Variants in IL4I1 observed in about 807,000 individuals in gnomAD.
IL4I1 encodes the protein interleukin 4 induced 1.
In IL4I1, 24 loss-of-function variants were observed where a neutral mutation model predicts 29.7. That is an observed-to-expected ratio of 0.81 (90% confidence interval 0.59 to 1.14). The LOEUF is 1.14. Ranked by LOEUF, IL4I1 falls within the 50% of genes most tolerant of loss-of-function variation. IL4I1 has a pLI of 0.00. For missense variants in IL4I1, 686 were observed against 785.6 expected (o/e 0.87, Z 1.52); for synonymous variants, 371 against 352.5 (o/e 1.05, Z -0.59).
chr19:49,923,088 T>C (rs953062322), intron 2 of IL4I1, among the ~76,000 whole-genome samples: 1 of 151,940 alleles, frequency 6.6e-6, no homozygotes, highest in Admixed American at 6.6e-5. Context: ...TTTTTTTGCA[T>C]AAGAGCTGTG....
chr19:49,922,467 G>A (rs915023602), intron 2 of IL4I1, among the ~76,000 whole-genome samples: 1 of 151,984 alleles, frequency 6.6e-6, no homozygotes, highest in Non-Finnish European at 1.5e-5. Context: ...GTGTCGGAAT[G>A]AAGCCCTACT....
chr19:49,901,924 C>T (rs1018682418), intron 3 of IL4I1: 5 of 402,452 alleles, frequency 1.2e-5, no homozygotes, highest in Non-Finnish European at 2.2e-5. Context: ...GAATTCATGG[C>T]TTCACACAGC....
rs541092971 is a variant in IL4I1 at position 49,894,573 on chromosome 19, C to A, written c.366-104G>T. The A allele has an allele frequency of 1.2e-4, 80 of 658,758 alleles. No homozygotes were observed. The African/African-American group carries it at 1.5e-3, about 13-fold the overall frequency. The allele number at this position is 658,758 out of a possible 1,614,324, so 40.8% of individuals were successfully genotyped here. A position where few individuals can be genotyped will look rare whatever the true frequency, so the allele number is the denominator to read the frequency against. On this transcript the variant is annotated intron_variant, in intron 4 of 7. Transcript: ENST00000391826. ...GTGGGAGGGGAGAGTAGCTGGGGAC[C>A]AGCATGAGGCTGGGGGTGGGGCTAG...
At chr19:49,896,310 C>A in intron 1 of IL4I1, 128 bp from the exon 2 acceptor site, 1 of 1,159,306 alleles carries the variant, frequency 8.6e-7, no homozygotes, top group African/African-American at 1.6e-5. Flanking sequence ...GCTCTCTGGA[C>A]CTGTGTCCCC....
intron 3 of IL4I1, among the ~76,000 whole-genome samples, chr19:49,902,533 A>G (rs1364563430): frequency 6.6e-6 from 1 of 152,036 alleles, no homozygotes; most frequent in African/African-American, 2.4e-5. Flanking sequence ...AAACAAAACA[A>G]AAAAACAGTT....
In IL4I1 at chr19:49,895,988, C is replaced by G. The variant is rs758677410; in HGVS notation, c.79G>C (p.Glu27Gln). The G allele has an allele frequency of 6.6e-5, 106 of 1,614,066 alleles. No individual in the cohort carries two copies. The South Asian group carries it at 1.1e-3, about 16-fold the overall frequency. Residue 27 changes from glutamate (E) to glutamine (Q), a missense_variant, in exon 3 of 8, where the codon GAA becomes CAA. Physicochemically the swap from Glu to Gln is conservative, Grantham distance 29 (BLOSUM62 2). Coordinates refer to ENST00000391826, the MANE Select transcript of IL4I1 (RefSeq NM_152899.2). ...SLVASQDWKA[E>Q]RSQDPFEKCM... Reference sequence around the variant, plus strand: ...TTCTCGAAGGGGTCTTGGCTGCGTTCAGCCTTCCAGTCCTGGGAGGCCACC... The same window carrying G: ...TTCTCGAAGGGGTCTTGGCTGCGTTGAGCCTTCCAGTCCTGGGAGGCCACC...
chr19:49,925,253 C>A (rs1418244233), intron 2 of IL4I1, among the ~76,000 whole-genome samples: 3 of 151,906 alleles, frequency 2.0e-5, no homozygotes, highest in Admixed American at 1.3e-4. Flanking sequence ...AAGAGTGAAA[C>A]TCCGTCTCAA....
Position 49,889,667 on chromosome 19 carries a change from A to C in IL4I1, c.*3T>G. 1 of 1,478,814 alleles carries C rather than the reference A, an allele frequency of 6.8e-7. No individual in the cohort carries two copies. The highest frequency in any genetic ancestry group is 1.4e-5 in the African/African-American group (1 of 70,614). The allele number at this position is 1,478,814 out of a possible 1,614,324, so 91.6% of individuals were successfully genotyped here. The stretch of plus-strand genomic sequence containing the variant: ...GGACCACACGGCTTTTTCCGAAAAT[A>C]CTTTAATGCGAGGTCCTCGTGTGGG... On this transcript the variant is annotated 3_prime_UTR_variant, in exon 8 of 8. Coordinates refer to ENST00000391826, the MANE Select transcript of IL4I1 (RefSeq NM_152899.2).
intron 2 of IL4I1, among the ~76,000 whole-genome samples, chr19:49,913,532 G>A (rs968183845): frequency 7.9e-5 from 12 of 152,174 alleles, no homozygotes; most frequent in African/African-American, 2.9e-4. Flanking sequence ...CACAACCCGG[G>A]CCGCCACTGC....
At chr19:49,896,991 C>A, upstream of IL4I1, 2 of 573,516 alleles carry the variant, frequency 3.5e-6, no homozygotes, top group Non-Finnish European at 4.4e-6. Context: ...CCTGGAGCTG[C>A]TCTGGTCCAA....
intron 5 of IL4I1, 90 bp from the exon 6 acceptor site, chr19:49,891,563 G>C: frequency 8.5e-7 from 1 of 1,171,310 alleles, no homozygotes; most frequent in Non-Finnish European, 1.3e-6. Flanking sequence ...TTCTCCTCGT[G>C]GTTCTGCCCA....
At chr19:49,920,555 G>T (rs1029296382) in intron 2 of IL4I1, among the ~76,000 whole-genome samples, 1 of 152,228 alleles carries the variant, frequency 6.6e-6, no homozygotes, top group Non-Finnish European at 1.5e-5. Flanking sequence ...CAACCAGGGG[G>T]TGCTGGGAAG....
upstream of IL4I1, among the ~76,000 whole-genome samples, chr19:49,901,026 C>T (rs1251930564): frequency 6.6e-6 from 1 of 152,334 alleles, no homozygotes; most frequent in Non-Finnish European, 1.5e-5. Flanking sequence ...GGGCCCCTGC[C>T]TTACGTATAT....
chr19:49,894,117 T>A, intron 5 of IL4I1, 151 bp downstream of exon 5: 13 of 655,912 alleles, frequency 2.0e-5, no homozygotes, highest in East Asian at 3.1e-5. Context: ...ATGGCACACA[T>A]CCCCTTGGTA....
chr19:49,892,529 C>T (rs1332490086), intron 5 of IL4I1, among the ~76,000 whole-genome samples: 1 of 152,204 alleles, frequency 6.6e-6, no homozygotes, highest in Admixed American at 6.5e-5. Flanking sequence ...AGACCACCTG[C>T]CCTCAGGGCT....
chr19:49,895,150 C>T lies in IL4I1; in HGVS notation c.283G>A (p.Gly95Arg), dbSNP rs771063122. 1.4e-5 allele frequency: 23 copies of T among 1,613,740 alleles called. No homozygotes were observed. The highest frequency in any genetic ancestry group is 1.7e-5 in the Admixed American group (1 of 59,980). Residue 95 changes from glycine to arginine, a missense_variant, in exon 4 of 8, where the codon GGG becomes AGG. By Grantham distance (125) the Gly-to-Arg change is moderately radical. Transcript: ENST00000391826. ...TCCCGGTAGGTGAAGATGCGGCCCC[C>T]GATCCTGTTATCTGCCTCCAGGATG... The part of the protein sequence containing the change: ...VTILEADNRI[G>R]GRIFTYRDQN...
chr19:49,916,990 G>GGT (rs762223648), intron 2 of IL4I1, among the ~76,000 whole-genome samples: 11 of 152,254 alleles, frequency 7.2e-5, no homozygotes, highest in African/African-American at 9.6e-5. Flanking sequence ...GCCACCTGGT[G>GGT]GCACTGCTGA....
At chr19:49,906,262 G>A (rs553176422) in intron 2 of IL4I1, among the ~76,000 whole-genome samples, 2 of 152,292 alleles carry the variant, frequency 1.3e-5, no homozygotes, top group East Asian at 3.9e-4. Flanking sequence ...AGGCTGGAGT[G>A]CAGTGGTGTG....
chr19:49,908,571 A>G (rs879939773), intron 2 of IL4I1: 1 of 1,613,406 alleles, frequency 6.2e-7, no homozygotes. Context: ...TCCTTGACCA[A>G]CTCCTCCAGT....
Sources: allele counts gnomAD v4.1 joint callset (sites outside exome capture counted in the v4.1 genomes callset), GRCh38; gene constraint gnomAD v4.1.1; transcripts MANE v1.5; gene names NCBI Gene and HGNC (gene_info 2026-07-23, HGNC 2026-07-21).